ACOT2: variants seen among roughly 807,000 people sequenced by gnomAD.
ACOT2 encodes the protein acyl-CoA thioesterase 2, also known as acyl-coenzyme A thioesterase 2, mitochondrial.
ACOT2 carries 15 observed loss-of-function variants against 20.1 expected under a neutral mutation model. The observed-to-expected ratio is 0.75, with a 90% CI of 0.50 to 1.15. The LOEUF is 1.15. Among genes scored for constraint, ACOT2 ranks in the 50% most tolerant of loss-of-function variants. The pLI, the probability that ACOT2 is intolerant of heterozygous loss-of-function variation, is 0.00. For missense variants in ACOT2, 479 were observed against 615.3 expected (o/e 0.78, Z 2.34); for synonymous variants, 252 against 268.4 (o/e 0.94, Z 0.60).
chr14:73,568,577 G>T (rs2140328902), upstream of ACOT2, among the ~76,000 whole-genome samples: 1 of 151,460 alleles, frequency 6.6e-6, no homozygotes, highest in African/African-American at 2.4e-5. Flanking sequence ...AAAAAAAAAA[G>T]TAACCCTTGC....
chr14:73,569,653 A>C lies in ACOT2; in HGVS notation c.413A>C (p.Glu138Ala). 6.2e-7 allele frequency: 1 copy of C among 1,605,650 alleles called. No individual in the cohort carries two copies. The highest frequency in any genetic ancestry group is 8.5e-7 in the Non-Finnish European group (1 of 1,177,378). ...CTGGGCGGCAGCTTCGCGGGGCTTG[A>C]GCCCATGGGGCTGCTCTGGGCCTTG... is the stretch of plus-strand genomic sequence containing the variant. ...PALGGSFAGL[E>A]PMGLLWALEP... Residue 138 changes from glutamate (E) to alanine (A), a missense_variant, in exon 1 of 3, where the codon GAG (glutamate) becomes GCG (alanine). Around this residue, in one of 4 missense-constraint regions of ACOT2, gnomAD observed 400 missense variants for 395.5 expected, o/e 1.01. Coordinates refer to ENST00000238651, the MANE Select transcript of ACOT2 (RefSeq NM_006821.6).
chr14:73,568,022 G>C (rs1463711001), upstream of ACOT2: 1 of 152,296 alleles, frequency 6.6e-6, no homozygotes, highest in African/African-American at 2.4e-5. Context: ...CTTGATGTCA[G>C]CGAGACCAAG....
chr14:73,575,608 A>T lies in ACOT2; in HGVS notation c.*95A>T. On this transcript the variant is annotated 3_prime_UTR_variant, in exon 3 of 3. Coordinates refer to ENST00000238651, the MANE Select transcript of ACOT2 (RefSeq NM_006821.6). ...TATGTGTATTCATTCTTTTGTTTTT[A>T]ATAACTAAAGTTTTTTCCCCTCATT... 6.4e-7 allele frequency: 1 copy of T among 1,568,916 alleles called. No individual in the cohort carries two copies. The highest frequency in any genetic ancestry group is 8.6e-7 in the Non-Finnish European group (1 of 1,163,240).
chr14:73,573,660 A>G, intron 2 of ACOT2, 70 bp downstream of exon 2: 1 of 1,573,350 alleles, frequency 6.4e-7, no homozygotes, highest in Middle Eastern at 1.7e-4. Context: ...GGGTTTTCAC[A>G]GAAGTTAGCT....
Position 73,573,555 on chromosome 14 carries a change from G to C in ACOT2, c.811G>C (p.Glu271Gln). 1 of 1,613,660 alleles carries C rather than the reference G, an allele frequency of 6.2e-7. No individual in the cohort carries two copies. The highest frequency in any genetic ancestry group is 8.5e-7 in the Non-Finnish European group (1 of 1,179,712). ...GGAGACGCTCCATCTGGAGTACTTT[G>C]AAGAAGCCATGAACTACTTGCTCAG... ...TMETLHLEYF[E>Q]EAMNYLLSHP... Residue 271 changes from glutamate (E) to glutamine (Q), a missense_variant, in exon 2 of 3, where the codon GAA (glutamate) becomes CAA (glutamine). Around this residue, in one of 4 missense-constraint regions of ACOT2, gnomAD observed 400 missense variants for 395.5 expected, o/e 1.01. Coordinates refer to ENST00000238651, the MANE Select transcript of ACOT2 (RefSeq NM_006821.6).
rs1889663602 is a variant in ACOT2, at chr14:73,569,421, G to A, written c.181G>A (p.Ala61Thr). ...GGTTGGTCAGATCATTAGGGTTCCT[G>A]CTCGGATGGCGGCGACGCTGATCCT... ...RQVGQIIRVP[A>T]RMAATLILEP... is the part of the protein sequence containing the mutation. The change falls in exon 1 of 3, where the codon GCT becomes ACT. Residue 61 changes from alanine to threonine, a missense_variant. Transcript: ENST00000238651. The A allele has an allele frequency of 6.2e-7, 1 of 1,613,842 alleles. No individual in the cohort carries two copies. Among genetic ancestry groups the A allele is most frequent in the African/African-American group, 1.3e-5 (1 of 74,940 alleles).
chr14:73,574,773 A>C (rs1359198059), intron 2 of ACOT2, 135 bp from the exon 3 acceptor site: 1 of 1,475,774 alleles, frequency 6.8e-7, no homozygotes, highest in Non-Finnish European at 9.2e-7. Context: ...GTAAATTCTC[A>C]AAGTTGCAAA....
chr14:73,568,519 ACTGCCG>A (rs1889643989), upstream of ACOT2, among the ~76,000 whole-genome samples: 1 of 151,862 alleles, frequency 6.6e-6, no homozygotes, highest in African/African-American at 2.4e-5. Flanking sequence ...GTGATGGTAA[ACTGCCG>A]CTGTACTCCA....
chr14:73,570,903 TAAAAAAA>T lies in ACOT2; in HGVS notation c.643+1032_643+1038del, dbSNP rs56094300. On this transcript the variant is annotated intron_variant, in intron 1 of 2. Transcript: ENST00000238651. Reference sequence around the variant, plus strand: ...CTGGGGGACAAGAGTGACTCTATCTTAAAAAAAAAAAAAAAAAATTCAGGTAGTTTCA... The same window carrying T: ...CTGGGGGACAAGAGTGACTCTATCTTAAAAAAAAAAATTCAGGTAGTTTCA... Among the ~76,000 whole-genome samples, 1,151 of 137,488 alleles carry T rather than the reference TAAAAAAA, an allele frequency of 8.4e-3. 11 individuals are homozygous for T. The highest frequency in any genetic ancestry group is 0.03 in the African/African-American group (1,106 of 36,984). 90.2% of individuals were successfully genotyped at this position (137,488 alleles called of 152,430 possible).
In ACOT2 at chr14:73,572,521, A is replaced by C. The variant is rs191350259; in HGVS notation, c.644-867A>C. ...CTATGAAGAAAACCAAGAGTGATACACAGAAAGTCCAGGATACTGGAAAGA... is the reference window on the plus strand; with the variant it reads ...CTATGAAGAAAACCAAGAGTGATACCCAGAAAGTCCAGGATACTGGAAAGA... On this transcript the variant is annotated intron_variant, in intron 1 of 2. Coordinates refer to ENST00000238651, the MANE Select transcript of ACOT2 (RefSeq NM_006821.6). Among the ~76,000 whole-genome samples the C allele has an allele frequency of 1.2e-4, 18 of 151,598 alleles. No homozygotes were observed. In the East Asian group the frequency reaches 3.5e-3, roughly 30 times the overall value.
intron 1 of ACOT2, 59 bp downstream of exon 1, chr14:73,569,942 C>A (rs1304258571): frequency 1.3e-6 from 2 of 1,535,884 alleles, no homozygotes; most frequent in Non-Finnish European, 8.7e-7. Context: ...TGTGTCTCCC[C>A]CGCCCCACGC....
chr14:73,569,980 C>T lies in ACOT2; in HGVS notation c.643+97C>T, dbSNP rs181809397. The T allele has an allele frequency of 3.4e-6, 5 of 1,457,582 alleles. No homozygotes were observed. The South Asian group carries it at 5.6e-5, about 16-fold the overall frequency. 90.3% of individuals were successfully genotyped at this position (1,457,582 alleles called of 1,614,324 possible). On this transcript the variant is annotated intron_variant, in intron 1 of 2. Transcript: ENST00000238651. ...TTCGCTTATGTGTATGCCCCCCCGC[C>T]GCGCCCCCGGGCTATATTGCCCAGG...
chr14:73,574,795 G>A (rs1295911598), intron 2 of ACOT2, 113 bp from the exon 3 acceptor site: 5 of 1,565,436 alleles, frequency 3.2e-6, no homozygotes, highest in Middle Eastern at 2.2e-4. Context: ...CTGGGTAAAT[G>A]GTAGAACCTA....
At chr14:73,568,833 T>C (rs1477704165), upstream of ACOT2, among the ~76,000 whole-genome samples, 3 of 152,054 alleles carry the variant, frequency 2.0e-5, no homozygotes, top group Admixed American at 6.6e-5. Context: ...ATGTGGAGGA[T>C]AGGCATATAC....
Position 73,574,993 on chromosome 14 carries a change from C to T in ACOT2, c.932C>T (p.Thr311Met), listed in dbSNP as rs763463911. 11 of 1,601,062 alleles carry T rather than the reference C, an allele frequency of 6.9e-6. No individual in the cohort carries two copies. The highest frequency in any genetic ancestry group is 4.5e-5 in the East Asian group (2 of 44,576). Residue 311 changes from threonine (T) to methionine (M), a missense_variant, in exon 3 of 3, where the codon ACG becomes ATG. Thr to Met is a moderately conservative substitution (Grantham distance 81). Coordinates refer to ENST00000238651, the MANE Select transcript of ACOT2 (RefSeq NM_006821.6). Reference sequence around the variant, plus strand: ...ATGGCCTCTTTCCTGAAGGGCATCACGGCTGCTGTCGTCATCAACGGCTCT... The same window carrying T: ...ATGGCCTCTTTCCTGAAGGGCATCATGGCTGCTGTCGTCATCAACGGCTCT... ...LSMASFLKGI[T>M]AAVVINGSVA...
chr14:73,569,528 G>A lies in ACOT2; in HGVS notation c.288G>A (p.Leu96=). 1 of 1,607,602 alleles carries A rather than the reference G, an allele frequency of 6.2e-7. No individual in the cohort carries two copies. Among genetic ancestry groups the A allele is most frequent in the African/African-American group, 1.3e-5 (1 of 74,860 alleles). ...TAGCCCCGGAGCAGCCGGTCACGCTGCGCGCGTCCCTGCGCGACGAGAAGG... is the reference window on the plus strand; with the variant it reads ...TAGCCCCGGAGCAGCCGGTCACGCTACGCGCGTCCCTGCGCGACGAGAAGG... ...RGLAPEQPVT[L]RASLRDEKGA... is the part of the protein sequence containing the mutation. Residue 96 remains leucine, a synonymous_variant, in exon 1 of 3, where the codon CTG becomes CTA. Transcript: ENST00000238651.
Position 73,572,100 on chromosome 14 carries a change from T to C in ACOT2, c.644-1288T>C, listed in dbSNP as rs1449601262. 9.0e-5 allele frequency among the ~76,000 whole-genome samples: 13 copies of C among 144,250 alleles called. No homozygotes were observed. In the East Asian group the frequency reaches 1.8e-3, roughly 20 times the overall value. 94.6% of individuals were successfully genotyped at this position (144,250 alleles called of 152,430 possible). ...ATATTCATCTGCTCTGGGCAACAAT[T>C]TGTCTTAACTTACAAAGTTAAATAT... On this transcript the variant is annotated intron_variant, in intron 1 of 2. Coordinates refer to ENST00000238651, the MANE Select transcript of ACOT2 (RefSeq NM_006821.6).
chr14:73,574,036 ATTTT>A (rs33994188), intron 2 of ACOT2, among the ~76,000 whole-genome samples: 1 of 148,026 alleles, frequency 6.8e-6, no homozygotes, highest in African/African-American at 2.5e-5. Flanking sequence ...TAATATTTGT[ATTTT>A]TTTTTTTTTA....
chr14:73,574,867 G>A (rs780709285), intron 2 of ACOT2, 41 bp from the exon 3 acceptor site: 2 of 1,613,278 alleles, frequency 1.2e-6, no homozygotes, highest in Admixed American at 1.7e-5. Context: ...TCCACTGTTT[G>A]TGGAATCATT....
Sources: allele counts gnomAD v4.1 joint callset (sites outside exome capture counted in the v4.1 genomes callset), GRCh38; gene constraint gnomAD v4.1.1; regional missense constraint gnomAD v4.1.1; transcripts MANE v1.5; gene names NCBI Gene and HGNC (gene_info 2026-07-23, HGNC 2026-07-21).